PSG11: variants seen among roughly 807,000 people sequenced by gnomAD.
The protein encoded by PSG11 is pregnancy specific beta-1-glycoprotein 11.
A neutral mutation model predicts 36.0 loss-of-function variants in PSG11; 42 were observed. That is an observed-to-expected ratio of 1.17 (90% CI 0.91 to 1.51). The LOEUF is 1.51. Ranked by LOEUF, PSG11 falls within the 40% of genes most tolerant of loss-of-function variation. PSG11 has a pLI of 0.00. For missense variants in PSG11, 558 were observed against 403.5 expected (o/e 1.38, Z -3.28); for synonymous variants, 206 against 153.5 (o/e 1.34, Z -2.53).
chr19:43,015,638 G>A (rs1343680207), intron 3 of PSG11: 10 of 1,498,746 alleles, frequency 6.7e-6, no homozygotes, highest in African/African-American at 1.4e-5. Context: ...CCAGGGCAGG[G>A]AGTCATGGCC....
chr19:43,011,042 A>G (rs1445052578), intron 4 of PSG11, among the ~76,000 whole-genome samples: 1 of 151,030 alleles, frequency 6.6e-6, no homozygotes, highest in African/African-American at 2.4e-5. Context: ...TTTGCCAATG[A>G]AAAGACAGAA....
intron 4 of PSG11, among the ~76,000 whole-genome samples, chr19:43,012,290 T>C (rs575896351): frequency 1.5e-4 from 23 of 151,382 alleles, no homozygotes; most frequent in Non-Finnish European, 2.7e-4. Flanking sequence ...TATTGAAAGG[T>C]CTAGTCAAAA....
At chr19:43,021,061 A>T (rs1967090065) in intron 2 of PSG11, among the ~76,000 whole-genome samples, 1 of 151,502 alleles carries the variant, frequency 6.6e-6, no homozygotes, top group Admixed American at 6.6e-5. Context: ...AAACCATCAG[A>T]TAGCACCCAC....
At chr19:43,023,373 A>T (rs866336897) in intron 2 of PSG11, among the ~76,000 whole-genome samples, 31 of 150,486 alleles carry the variant, frequency 2.1e-4, no homozygotes, top group African/African-American at 5.2e-4. Context: ...TGGTGTAGGG[A>T]GTGAGTGGGG....
intron 4 of PSG11, among the ~76,000 whole-genome samples, chr19:43,011,035 G>T (rs561413134): frequency 2.0e-5 from 3 of 150,828 alleles, no homozygotes; most frequent in East Asian, 3.9e-4. Flanking sequence ...TTTCCATTTT[G>T]CCAATGAAAA....
Position 43,018,026 on chromosome 19 carries a change from T to G in PSG11, c.709+744A>C, listed in dbSNP as rs545486897. On this transcript the variant is annotated intron_variant, in intron 3 of 5. Coordinates refer to ENST00000320078, the MANE Select transcript of PSG11 (RefSeq NM_002785.3). Reference sequence around the variant, plus strand: ...TGTCCTGGGTTTTTGATTTTCCCTCTCCCTTTGCAGAGGGCAGGTGGCTCT... The same window carrying G: ...TGTCCTGGGTTTTTGATTTTCCCTCGCCCTTTGCAGAGGGCAGGTGGCTCT... Among the ~76,000 whole-genome samples the G allele has an allele frequency of 1.3e-3, 201 of 151,298 alleles. 3 individuals carry two copies. The highest frequency in any genetic ancestry group is 4.6e-3 in the African/African-American group (190 of 41,048).
Position 43,016,000 on chromosome 19 carries a change from C to T in PSG11, c.710-630G>A, listed in dbSNP as rs757501486. ...GAAGGTTAAGACATCCTTATTCTCC[C>T]TGGGGTTTAAGTTGTTGATGGTGAT... On this transcript the variant is annotated intron_variant, in intron 3 of 5. Coordinates refer to ENST00000320078, the MANE Select transcript of PSG11 (RefSeq NM_002785.3). The T allele has an allele frequency of 1.2e-6, 2 of 1,610,214 alleles. 1 individual carries two copies. The highest frequency in any genetic ancestry group is 2.7e-5 in the African/African-American group (2 of 74,290).
At chr19:43,021,800 G>A (rs891357336) in intron 2 of PSG11, among the ~76,000 whole-genome samples, 1 of 151,448 alleles carries the variant, frequency 6.6e-6, no homozygotes, top group African/African-American at 2.4e-5. Context: ...TCCATAGCAC[G>A]TTGACGATGG....
Position 43,018,873 on chromosome 19 carries a change from G to C in PSG11, c.606C>G (p.Leu202=). The part of the protein sequence containing the change: ...RMQLSETNRT[L]FLFGVTKYTA... The stretch of plus-strand genomic sequence containing the variant: ...TATACTTTGTGACACCAAATAGAAA[G>C]AGGGTCCTGTTGGTTTCAGACAGCT... The change falls in exon 3 of 6, where the codon CTC becomes CTG. Residue 202 remains leucine, a synonymous_variant. Coordinates refer to ENST00000320078, the MANE Select transcript of PSG11 (RefSeq NM_002785.3). 6.2e-7 allele frequency: 1 copy of C among 1,612,138 alleles called. No individual in the cohort carries two copies. The highest frequency in any genetic ancestry group is 8.5e-7 in the Non-Finnish European group (1 of 1,179,080).
Position 43,019,376 on chromosome 19 carries a change from T to G in PSG11, c.431-328A>C, listed in dbSNP as rs557013564. 2.2e-4 allele frequency: 83 copies of G among 381,150 alleles called. 1 individual carries two copies. Among genetic ancestry groups the G allele is most frequent in the African/African-American group, 1.1e-3 (54 of 49,118 alleles). The allele number at this position is 381,150 out of a possible 1,614,324, so 23.6% of individuals were successfully genotyped here. On this transcript the variant is annotated intron_variant, in intron 2 of 5. Transcript: ENST00000320078. ...TCCAACTGCCTGCCTGGCCCACCTT[T>G]TGGTCCTGACTTGGAGCATGCAGTG...
rs1966916503 is a variant in PSG11, at chr19:43,014,815, G to A, written c.964+301C>T. The A allele has an allele frequency of 4.8e-6, 6 of 1,257,348 alleles. No homozygotes were observed. The South Asian group carries it at 1.1e-4, about 23-fold the overall frequency. 77.9% of individuals were successfully genotyped at this position (1,257,348 alleles called of 1,614,324 possible). ...AGTTGGTGACAGTGAGAAGCAACTC[G>A]ATGTTCAGCACTCTCCTTCTTGTCC... On this transcript the variant is annotated intron_variant, in intron 4 of 5. Coordinates refer to ENST00000320078, the MANE Select transcript of PSG11 (RefSeq NM_002785.3).
intron 3 of PSG11, among the ~76,000 whole-genome samples, chr19:43,018,147 G>C (rs1240958614): frequency 1.3e-5 from 2 of 151,194 alleles, no homozygotes; most frequent in Admixed American, 6.6e-5. Flanking sequence ...TATGAGATTT[G>C]TTCCACCAGT....
intron 4 of PSG11, among the ~76,000 whole-genome samples, chr19:43,010,866 T>C (rs1293622949): frequency 7.0e-6 from 1 of 142,978 alleles, no homozygotes; most frequent in Non-Finnish European, 1.5e-5. Flanking sequence ...CTTGTTCTAG[T>C]GTTTTATGTG....
chr19:43,026,243 C>G, intron 1 of PSG11, 66 bp downstream of exon 1: 2 of 1,600,330 alleles, frequency 1.2e-6, no homozygotes, highest in South Asian at 2.2e-5. Context: ...AGGAGCCTCT[C>G]CAGGAGACCC....
Position 43,018,897 on chromosome 19 carries a change from C to T in PSG11, c.582G>A (p.Gln194=), listed in dbSNP as rs577130032. Residue 194 remains glutamine (Q), a synonymous_variant, in exon 3 of 6, where the codon CAG becomes CAA. Transcript: ENST00000320078. ...AGAGGGTCCTGTTGGTTTCAGACAG[C>T]TGCATCCTATGAGTCATAGGGAGGC... ...GQSLPMTHRM[Q]LSETNRTLFL... 3 of 1,612,130 alleles carry T rather than the reference C, an allele frequency of 1.9e-6. No homozygotes were observed. The African/African-American group carries it at 4.0e-5, about 22-fold the overall frequency.
intron 2 of PSG11, among the ~76,000 whole-genome samples, chr19:43,022,709 G>GCCT (rs1253167325): frequency 6.6e-6 from 1 of 151,298 alleles, no homozygotes; most frequent in Non-Finnish European, 1.5e-5. Context: ...CCACAGGTCA[G>GCCT]CCTCACAAAG....
chr19:43,018,819 C>T lies in PSG11; in HGVS notation c.660G>A (p.Trp220Ter). 1 of 1,612,042 alleles carries T rather than the reference C, an allele frequency of 6.2e-7. No individual in the cohort carries two copies. Residue 220 changes from tryptophan (W) to a stop codon, truncating the protein, a stop_gained, in exon 3 of 6, where the codon TGG becomes TGA. Coordinates refer to ENST00000320078, the MANE Select transcript of PSG11 (RefSeq NM_002785.3). LOFTEE classifies it high-confidence loss of function. ...CACTGCGGCTGGCACTCCCTGAGTT[C>T]CATATTTCACATTCATAGGGTCCTG... ...YTAGPYECEI[W>*]NSGSASRSDP...
rs556584763 is a variant in PSG11 at position 43,015,634 on chromosome 19, C to G, written c.710-264G>C. 4.9e-5 allele frequency: 73 copies of G among 1,492,220 alleles called. 2 individuals are homozygous for G. In the South Asian group the frequency reaches 9.4e-4, roughly 19 times the overall value. The allele number at this position is 1,492,220 out of a possible 1,614,324, so 92.4% of individuals were successfully genotyped here. On this transcript the variant is annotated intron_variant, in intron 3 of 5. Transcript: ENST00000320078. ...TGTGTCTACCCAAGTTTTCCCAGGG[C>G]AGGGAGTCATGGCCACCTCGGATGT... is the stretch of plus-strand genomic sequence containing the variant.
At chr19:43,019,138 C>G in intron 2 of PSG11, 90 bp from the exon 3 acceptor site, 1 of 1,550,328 alleles carries the variant, frequency 6.5e-7, no homozygotes, top group Non-Finnish European at 8.7e-7. Context: ...TTTGCCACCT[C>G]TCAGCCCACC....
Sources: gnomAD v4.1 joint callset for allele counts (sites outside exome capture counted in the v4.1 genomes callset) on GRCh38, gnomAD v4.1.1 for gene constraint, MANE v1.5 for transcripts, NCBI Gene and HGNC (gene_info 2026-07-23, HGNC 2026-07-21) for gene names.